The following TGFBR3 variants were observed in gnomAD, a reference collection of about 807,000 sequenced individuals.
TGFBR3 encodes transforming growth factor beta receptor type 3.
Under a neutral mutation model 87.9 loss-of-function variants are expected in TGFBR3, and 46 were observed. That is an observed-to-expected ratio of 0.52 (90% CI 0.41 to 0.67). TGFBR3 has a LOEUF of 0.67. Ranked by LOEUF, TGFBR3 falls within the 30% of genes least tolerant of loss-of-function variation. The probability of loss-of-function intolerance (pLI) is 0.00; values close to 1 mark genes in which losing one functional copy is unlikely to be tolerated. For synonymous variants in TGFBR3, 381 were observed against 391.6 expected (o/e 0.97, Z 0.32); for missense variants, 866 against 1,041.9 (o/e 0.83, Z 2.32).
chr1:91,877,587 C>T (rs922389411), intron 1 of TGFBR3, among the ~76,000 whole-genome samples: 3 of 152,106 alleles, frequency 2.0e-5, no homozygotes, highest in South Asian at 2.1e-4. Context: ...AAACCTGGAA[C>T]GTCTTAGAGA....
chr1:91,715,508 C>T (rs1476067403), intron 12 of TGFBR3, among the ~76,000 whole-genome samples: 1 of 152,186 alleles, frequency 6.6e-6, no homozygotes, highest in African/African-American at 2.4e-5. Flanking sequence ...AAAGAGTTAA[C>T]TAACTGCTGC....
intron 1 of TGFBR3, among the ~76,000 whole-genome samples, chr1:91,862,708 T>C (rs1052196775): frequency 2.0e-5 from 3 of 152,226 alleles, no homozygotes; most frequent in African/African-American, 7.2e-5. Flanking sequence ...TTAACAAACA[T>C]GTACTGAGCA....
chr1:91,875,762 C>G (rs1416947295), intron 1 of TGFBR3, among the ~76,000 whole-genome samples: 4 of 107,454 alleles, frequency 3.7e-5, no homozygotes, highest in African/African-American at 1.5e-4. Flanking sequence ...GTGGCGCACA[C>G]CTGTAATCCC....
intron 2 of TGFBR3, among the ~76,000 whole-genome samples, chr1:91,895,985 C>A (rs561313087): frequency 3.3e-5 from 5 of 152,274 alleles, no homozygotes; most frequent in Admixed American, 3.3e-4. Context: ...GCTGCTACAA[C>A]CCTGGTCAAA....
chr1:91,716,859 C>T (rs560019825), intron 10 of TGFBR3, 151 bp from the exon 11 acceptor site: 50 of 980,066 alleles, frequency 5.1e-5, no homozygotes, highest in African/African-American at 4.3e-4. Flanking sequence ...CAGGCTTTTT[C>T]GAATTATATC....
intron 2 of TGFBR3, among the ~76,000 whole-genome samples, chr1:91,808,259 C>G (rs1486786039): frequency 6.6e-6 from 1 of 152,096 alleles, no homozygotes; most frequent in Admixed American, 6.5e-5. Context: ...AGACCCCCAT[C>G]TCTTTAAAAA....
At chr1:91,889,557 TATG>T (rs1050560183), upstream of TGFBR3, among the ~76,000 whole-genome samples, 3 of 152,134 alleles carry the variant, frequency 2.0e-5, no homozygotes, top group African/African-American at 7.2e-5. Flanking sequence ...ATCTTTACAA[TATG>T]ATATTAAAAG....
At chr1:91,857,421 G>C (rs998624824) in intron 2 of TGFBR3, among the ~76,000 whole-genome samples, 2 of 151,600 alleles carry the variant, frequency 1.3e-5, no homozygotes, top group Non-Finnish European at 2.9e-5. Context: ...TTTCCCACCT[G>C]GTGAACTCAG....
chr1:91,702,021 C>A (rs1055174286), intron 14 of TGFBR3, among the ~76,000 whole-genome samples: 1 of 152,154 alleles, frequency 6.6e-6, no homozygotes, highest in East Asian at 1.9e-4. Flanking sequence ...CATTTGGAAA[C>A]GTCTAGAGAC....
intron 6 of TGFBR3, 25 bp downstream of exon 6, chr1:91,729,780 C>G: frequency 6.2e-7 from 1 of 1,613,840 alleles, no homozygotes; most frequent in Non-Finnish European, 8.5e-7. Context: ...TCTCTTGTCA[C>G]ACTCACACAC....
At chr1:91,892,199 C>T (rs939675600) in intron 2 of TGFBR3, among the ~76,000 whole-genome samples, 1 of 152,164 alleles carries the variant, frequency 6.6e-6, no homozygotes, top group East Asian at 1.9e-4. Context: ...CAGGAAACCT[C>T]ACACCATTTC....
chr1:91,742,722 G>A (rs747271782), intron 4 of TGFBR3, among the ~76,000 whole-genome samples: 1 of 152,146 alleles, frequency 6.6e-6, no homozygotes, highest in Non-Finnish European at 1.5e-5. Flanking sequence ...TTTGTTGAAG[G>A]GGAACCATGA....
chr1:91,757,650 T>C (rs1008520410), intron 4 of TGFBR3, among the ~76,000 whole-genome samples: 2 of 152,340 alleles, frequency 1.3e-5, no homozygotes, highest in Non-Finnish European at 2.9e-5. Flanking sequence ...CTTTTCTCCC[T>C]TTTATTCATT....
chr1:91,874,430 G>T (rs1232624186), intron 1 of TGFBR3, among the ~76,000 whole-genome samples: 1 of 152,150 alleles, frequency 6.6e-6, no homozygotes, highest in African/African-American at 2.4e-5. Context: ...AAGAGTGGTG[G>T]GCTGGTTGGG....
In TGFBR3 at chr1:91,750,019, G is replaced by A. The variant is rs150173711; in HGVS notation, c.384+8594C>T. On this transcript the variant is annotated intron_variant, in intron 4 of 16. Transcript: ENST00000212355. ...TAAAAGACGTTATGGGACTCCACAC[G>A]AAGAAACACCAACCTTGCCTCCTCA... 2.6e-5 allele frequency among the ~76,000 whole-genome samples: 4 copies of A among 152,240 alleles called. No individual in the cohort carries two copies. In the East Asian group the frequency reaches 7.7e-4, roughly 29 times the overall value.
At chr1:91,820,847 T>C (rs1445296535) in intron 2 of TGFBR3, among the ~76,000 whole-genome samples, 1 of 152,204 alleles carries the variant, frequency 6.6e-6, no homozygotes, top group Non-Finnish European at 1.5e-5. Context: ...TAAAACTATG[T>C]GTATTTGTCC....
intron 2 of TGFBR3, among the ~76,000 whole-genome samples, chr1:91,856,859 G>A (rs910394336): frequency 1.3e-5 from 2 of 152,134 alleles, no homozygotes; most frequent in African/African-American, 4.8e-5. Flanking sequence ...CACACACAGG[G>A]TCTCCTCCCT....
intron 3 of TGFBR3, among the ~76,000 whole-genome samples, chr1:91,760,355 G>A (rs777923327): frequency 3.3e-5 from 5 of 152,194 alleles, no homozygotes; most frequent in Non-Finnish European, 5.9e-5. Flanking sequence ...AGTGGAGGTT[G>A]CAGTGAGCCC....
chr1:91,801,961 A>C (rs1199551224), intron 2 of TGFBR3, among the ~76,000 whole-genome samples: 2 of 152,200 alleles, frequency 1.3e-5, no homozygotes, highest in East Asian at 1.9e-4. Flanking sequence ...GAAAAAAATT[A>C]AGACTTAAGG....
Sources: gnomAD v4.1 joint callset for allele counts (sites outside exome capture counted in the v4.1 genomes callset) on GRCh38, gnomAD v4.1.1 for gene constraint, MANE v1.5 for transcripts, NCBI Gene and HGNC (gene_info 2026-07-23, HGNC 2026-07-21) for gene names.